OR51B5: variants seen among roughly 807,000 people sequenced by gnomAD.
OR51B5 encodes the protein olfactory receptor family 51 subfamily B member 5, also known as olfactory receptor 51B5.
For synonymous variants in OR51B5, 186 were observed against 144.8 expected (o/e 1.28, Z -2.04); for missense variants, 456 against 374.6 (o/e 1.22, Z -1.79).
At chr11:5,361,164 T>A (rs1402497914) in intron 1 of OR51B5, among the ~76,000 whole-genome samples, 1 of 147,150 alleles carries the variant, frequency 6.8e-6, no homozygotes, top group African/African-American at 2.5e-5. Flanking sequence ...AAGAAAGAAA[T>A]CTGCTGCAAA....
intron 1 of OR51B5, chr11:5,489,397 C>T: frequency 6.2e-7 from 1 of 1,613,882 alleles, no homozygotes; most frequent in Non-Finnish European, 8.5e-7. Flanking sequence ...AGTCTTTCAT[C>T]TTCCATCTCA....
chr11:5,432,681 T>C (rs1365730508), intron 1 of OR51B5, among the ~76,000 whole-genome samples: 1 of 152,172 alleles, frequency 6.6e-6, no homozygotes, highest in African/African-American at 2.4e-5. Flanking sequence ...AGCAAGATAT[T>C]ACATGGGATA....
At chr11:5,426,746 C>T (rs543151276) in intron 1 of OR51B5, among the ~76,000 whole-genome samples, 6 of 152,266 alleles carry the variant, frequency 3.9e-5, no homozygotes, top group African/African-American at 1.4e-4. Flanking sequence ...TCTCTGTCTC[C>T]CTGTTTTTCT....
chr11:5,468,976 G>A, intron 1 of OR51B5: 1 of 345,534 alleles, frequency 2.9e-6, no homozygotes, highest in Non-Finnish European at 5.7e-6. Context: ...GGATGACAAT[G>A]GATATGCCAT....
chr11:5,412,977 G>A lies in OR51B5; in HGVS notation n.85-66067C>T, dbSNP rs925838914. ...CATGCAGCTGGAGATCTGAGGATGG[G>A]CAGACTGCCTCCTCAAGTGGATCCC... is the stretch of plus-strand genomic sequence containing the variant. On this transcript the variant is annotated intron_variant and non_coding_transcript_variant, in intron 1 of 4. Transcript: ENST00000415970. Among the ~76,000 whole-genome samples, 119 of 152,226 alleles carry A rather than the reference G, an allele frequency of 7.8e-4. 1 individual carries two copies. The highest frequency in any genetic ancestry group is 2.7e-3 in the African/African-American group (114 of 41,546).
chr11:5,389,822 C>G (rs754344988), intron 1 of OR51B5: 1 of 1,613,934 alleles, frequency 6.2e-7, no homozygotes, highest in Non-Finnish European at 8.5e-7. Context: ...CTGCCACCCT[C>G]TGAGGTATTC....
intron 1 of OR51B5, chr11:5,352,274 T>G: frequency 6.2e-7 from 1 of 1,614,234 alleles, no homozygotes; most frequent in South Asian, 1.1e-5. Context: ...GTAGTTTGTC[T>G]GACATTTATT....
intron 1 of OR51B5, among the ~76,000 whole-genome samples, chr11:5,440,110 A>G (rs1850654472): frequency 6.6e-6 from 1 of 152,118 alleles, no homozygotes; most frequent in African/African-American, 2.4e-5. Flanking sequence ...TTTTATTACC[A>G]CAAACAAAGT....
intron 1 of OR51B5, chr11:5,362,499 ACATTGTTAGATAT>A (rs980804476): frequency 1.9e-5 from 3 of 157,728 alleles, no homozygotes; most frequent in Non-Finnish European, 4.2e-5. Context: ...AGAATAGATA[ACATTGTTAGATAT>A]AATTACCTAG....
chr11:5,452,127 G>C (rs1850862197), intron 1 of OR51B5, among the ~76,000 whole-genome samples: 1 of 152,218 alleles, frequency 6.6e-6, no homozygotes, highest in Non-Finnish European at 1.5e-5. Flanking sequence ...ATGTGTCTAT[G>C]AGTGTGTATA....
In OR51B5 at chr11:5,422,907, G is replaced by A. The variant is rs141547549; in HGVS notation, n.85-75997C>T. The stretch of plus-strand genomic sequence containing the variant: ...TTGGGCACAGCCACCTGGGCTGAGC[G>A]ACTCCGTGCCCTCAATAACTGCCTG... On this transcript the variant is annotated intron_variant and non_coding_transcript_variant, in intron 1 of 4. Coordinates refer to the OR51B5 transcript ENST00000415970. 500 of 1,614,018 alleles carry A rather than the reference G, an allele frequency of 3.1e-4. 2 individuals carry two copies. The highest frequency in any genetic ancestry group is 8.2e-4 in the Middle Eastern group (5 of 6,062).
At chr11:5,384,311 A>T (rs913531671) in intron 1 of OR51B5, among the ~76,000 whole-genome samples, 8 of 152,190 alleles carry the variant, frequency 5.3e-5, no homozygotes, top group Non-Finnish European at 1.2e-4. Context: ...TGCCAGGATT[A>T]TAAGTGTGAA....
At chr11:5,500,103 A>G (rs936445005) in intron 1 of OR51B5, among the ~76,000 whole-genome samples, 1 of 152,176 alleles carries the variant, frequency 6.6e-6, no homozygotes, top group Non-Finnish European at 1.5e-5. Context: ...CAGTGACCAA[A>G]TTATGTGCAC....
intron 1 of OR51B5, among the ~76,000 whole-genome samples, chr11:5,497,075 A>G (rs1288972041): frequency 6.6e-6 from 1 of 151,972 alleles, no homozygotes; most frequent in Non-Finnish European, 1.5e-5. Context: ...AGAGAGAGGA[A>G]AGGAAAGAGA....
At chr11:5,391,566 G>A (rs576135737) in intron 1 of OR51B5, 1 of 152,206 alleles carries the variant, frequency 6.6e-6, no homozygotes, top group Non-Finnish European at 1.5e-5. Flanking sequence ...GAGGGATCCA[G>A]AGCTAACAGA....
intron 1 of OR51B5, among the ~76,000 whole-genome samples, chr11:5,445,193 A>G (rs1161430400): frequency 6.6e-6 from 1 of 152,210 alleles, no homozygotes; most frequent in Non-Finnish European, 1.5e-5. Context: ...GAAAAAGACT[A>G]TGAAATAGAG....
At chr11:5,468,654 G>A (rs1204240265) in intron 1 of OR51B5, 5 of 456,384 alleles carry the variant, frequency 1.1e-5, no homozygotes, top group South Asian at 4.6e-5. Context: ...CTAACCATAG[G>A]CACATAGAAG....
intron 1 of OR51B5, among the ~76,000 whole-genome samples, chr11:5,461,461 C>CT (rs1472066120): frequency 6.6e-6 from 1 of 152,158 alleles, no homozygotes; most frequent in African/African-American, 2.4e-5. Flanking sequence ...GGCTGGCAGA[C>CT]TGGGGCTCAT....
chr11:5,447,340 G>A (rs1850781136), intron 1 of OR51B5, among the ~76,000 whole-genome samples: 1 of 152,112 alleles, frequency 6.6e-6, no homozygotes, highest in South Asian at 2.1e-4. Flanking sequence ...AGAGTCTCTA[G>A]TGTGAGCTGC....
Sources: allele counts gnomAD v4.1 joint callset (sites outside exome capture counted in the v4.1 genomes callset), GRCh38; gene constraint gnomAD v4.1.1; transcripts MANE v1.5; gene names NCBI Gene and HGNC (gene_info 2026-07-23, HGNC 2026-07-21).